Variants in MYO9B observed in about 807,000 individuals in gnomAD.
The protein encoded by MYO9B is myosin IXB.
In MYO9B, 71 loss-of-function variants were observed where a neutral mutation model predicts 229.5. The observed-to-expected ratio is 0.31, with a 90% confidence interval of 0.26 to 0.38. The LOEUF (loss-of-function observed/expected upper bound fraction) is 0.38, where lower values mean the gene tolerates loss of function less well. Among genes scored for constraint, MYO9B ranks in the 10% least tolerant of loss-of-function variants. MYO9B has a pLI of 1.00. For synonymous variants in MYO9B, 1,185 were observed against 1,235.8 expected, an observed-to-expected ratio of 0.96 and a Z score of 0.86; for missense variants, 2,255 against 2,920.5, an observed-to-expected ratio of 0.77 and a Z score of 5.25.
At chr19:17,175,858 AT>A in intron 14 of MYO9B, 117 bp downstream of exon 14, 2 of 814,076 alleles carry the variant, frequency 2.5e-6, no homozygotes, top group Non-Finnish European at 3.6e-6. Flanking sequence ...TTGAGATGGA[AT>A]TTCGCTCTTG....
intron 14 of MYO9B, 83 bp downstream of exon 14, chr19:17,175,824 C>CTTTTTTTTTTTTTTT (rs534528766): frequency 2.1e-6 from 1 of 471,924 alleles, no homozygotes. Context: ...ATGCTACATT[C>CTTTTTTTTTTTTTTT]TTTTTTTTTT....
rs969016567 is a variant in MYO9B at position 17,193,049 on chromosome 19, C to T, written c.3115C>T (p.Leu1039=). 6.8e-7 allele frequency: 1 copy of T among 1,462,512 alleles called. No individual in the cohort carries two copies. Among genetic ancestry groups the T allele is most frequent in the Non-Finnish European group, 9.0e-7 (1 of 1,106,334 alleles). The allele number at this position is 1,462,512 out of a possible 1,614,324, so 90.6% of individuals were successfully genotyped here. ...IRLQSLCRGH[L]QRKSFSQMIS... is the part of the protein sequence containing the mutation. Reference sequence around the variant, plus strand: ...CCTGCAGAGCCTGTGTCGGGGGCACCTGCAGCGCAAGAGGTGAGCAGAGCC... The same window carrying T: ...CCTGCAGAGCCTGTGTCGGGGGCACTTGCAGCGCAAGAGGTGAGCAGAGCC... The change falls in exon 21 of 40, where the codon CTG becomes TTG. Residue 1039 remains leucine (L), a synonymous_variant. Coordinates refer to ENST00000682292, the MANE Select transcript of MYO9B (RefSeq NM_004145.4). The surrounding 1 kb of genome is among the most constrained non-coding windows in gnomAD (Gnocchi z 4.3).
intron 10 of MYO9B, 125 bp from the exon 11 acceptor site, chr19:17,167,818 G>T: frequency 7.7e-7 from 1 of 1,296,204 alleles, no homozygotes; most frequent in Non-Finnish European, 1.0e-6. Context: ...AGTTTAAAAA[G>T]TTTCCTATTT....
At chr19:17,128,881 C>T (rs1021451670) in intron 2 of MYO9B, among the ~76,000 whole-genome samples, 3 of 152,212 alleles carry the variant, frequency 2.0e-5, no homozygotes, top group Admixed American at 6.5e-5. Flanking sequence ...AGCAAGGGGA[C>T]AATCTCCCTC....
At chr19:17,183,778 C>A in intron 15 of MYO9B, 51 bp from the exon 16 acceptor site, 1 of 1,495,648 alleles carries the variant, frequency 6.7e-7, no homozygotes, top group Non-Finnish European at 9.0e-7. Flanking sequence ...TAACCCAAAT[C>A]CCGACACTGT....
chr19:17,165,067 G>A (rs893181763), intron 10 of MYO9B, among the ~76,000 whole-genome samples: 62 of 152,094 alleles, frequency 4.1e-4, no homozygotes, highest in African/African-American at 1.4e-3. Context: ...ACAGGGTCTT[G>A]CTATGTTGCC....
intron 2 of MYO9B, among the ~76,000 whole-genome samples, chr19:17,112,634 C>T (rs7253065): frequency 2.3e-4 from 35 of 152,226 alleles, no homozygotes; most frequent in African/African-American, 6.0e-4. Context: ...GGGAACTGCC[C>T]GGAGGCCAGT....
chr19:17,123,442 G>T, intron 2 of MYO9B, among the ~76,000 whole-genome samples: 1 of 151,892 alleles, frequency 6.6e-6, no homozygotes, highest in East Asian at 1.9e-4. Context: ...GTGTGTGTGT[G>T]TGTGTGTGTG....
At chr19:17,108,856 G>T (rs757779621) in intron 2 of MYO9B, among the ~76,000 whole-genome samples, 1 of 151,246 alleles carries the variant, frequency 6.6e-6, no homozygotes, top group African/African-American at 2.4e-5. Flanking sequence ...TGGGACTACA[G>T]GCGCCCACCA....
Position 17,210,528 on chromosome 19 carries a change from CCTT to C in MYO9B, c.5796+151_5796+153del, listed in dbSNP as rs2073215144. 5 of 1,238,946 alleles carry C rather than the reference CCTT, an allele frequency of 4.0e-6. No individual in the cohort carries two copies. In the East Asian group the frequency reaches 1.0e-4, roughly 26 times the overall value. The allele number at this position is 1,238,946 out of a possible 1,614,324, so 76.7% of individuals were successfully genotyped here. A position where few individuals can be genotyped will look rare whatever the true frequency, so the allele number is the denominator to read the frequency against. On this transcript the variant is annotated intron_variant, in intron 37 of 39. Coordinates refer to ENST00000682292, the MANE Select transcript of MYO9B (RefSeq NM_004145.4). Reference sequence around the variant, plus strand: ...GCTGGGGAGGCCCCTTGCCTGCTGACCTTCTGTGCTCAGGACGACTAATCGGCC... The same window carrying C: ...GCTGGGGAGGCCCCTTGCCTGCTGACCTGTGCTCAGGACGACTAATCGGCC...
intron 1 of MYO9B, among the ~76,000 whole-genome samples, chr19:17,077,399 C>G (rs892044918): frequency 2.6e-5 from 4 of 152,210 alleles, no homozygotes; most frequent in Admixed American, 2.0e-4. Flanking sequence ...GGAAAGGTGG[C>G]TTTGGCCTGG....
chr19:17,159,358 T>C (rs1402674442), intron 7 of MYO9B, 37 bp from the exon 8 acceptor site: 1 of 1,547,990 alleles, frequency 6.5e-7, no homozygotes, highest in African/African-American at 1.4e-5. Context: ...GTCCTCCATC[T>C]CCCTTTTCCT....
chr19:17,178,934 G>T (rs1019657375), intron 14 of MYO9B, among the ~76,000 whole-genome samples: 1 of 151,554 alleles, frequency 6.6e-6, no homozygotes, highest in Non-Finnish European at 1.5e-5. Context: ...GGGAGGCTGA[G>T]GCAGGAGAAT....
intron 30 of MYO9B, 143 bp downstream of exon 30, chr19:17,203,401 T>C (rs1172598800): frequency 5.0e-6 from 3 of 601,158 alleles, no homozygotes; most frequent in Non-Finnish European, 8.8e-6. Flanking sequence ...GATAACGAGG[T>C]CAGGAGTTTG....
rs1190811267 is a variant in MYO9B at position 17,190,991 on chromosome 19, C to T, written c.2689-106C>T. 16 of 1,211,912 alleles carry T rather than the reference C, an allele frequency of 1.3e-5. No individual in the cohort carries two copies. The Admixed American group carries it at 1.5e-4, about 12-fold the overall frequency. 75.1% of individuals were successfully genotyped at this position (1,211,912 alleles called of 1,614,324 possible). A position where few individuals can be genotyped will look rare whatever the true frequency, so the allele number is the denominator to read the frequency against. Reference sequence around the variant, plus strand: ...AAATTTTAGATTTGTCATTACCATTCCTGTCAAACCCAGCTTCACCTTAAC... The same window carrying T: ...AAATTTTAGATTTGTCATTACCATTTCTGTCAAACCCAGCTTCACCTTAAC... On this transcript the variant is annotated intron_variant, in intron 19 of 39. Coordinates refer to ENST00000682292, the MANE Select transcript of MYO9B (RefSeq NM_004145.4).
intron 10 of MYO9B, 40 bp from the exon 11 acceptor site, chr19:17,167,903 G>A: frequency 1.3e-6 from 2 of 1,550,050 alleles, no homozygotes; most frequent in Non-Finnish European, 1.7e-6. Context: ...TTACATATCT[G>A]GGAGATAAGA....
At chr19:17,119,269 C>T (rs1033268552) in intron 2 of MYO9B, among the ~76,000 whole-genome samples, 5 of 152,212 alleles carry the variant, frequency 3.3e-5, no homozygotes, top group Admixed American at 6.5e-5. Context: ...GCGCACAGCA[C>T]CACTGGGAGA....
At chr19:17,126,170 T>C (rs1431800455) in intron 2 of MYO9B, among the ~76,000 whole-genome samples, 1 of 152,120 alleles carries the variant, frequency 6.6e-6, no homozygotes, top group East Asian at 1.9e-4. Flanking sequence ...ACTTCTCATT[T>C]CCTCGCCTCC....
chr19:17,212,091 G>T lies in MYO9B; in HGVS notation c.6255G>T (p.Pro2085=). Residue 2085 remains proline, a synonymous_variant, in exon 40 of 40, where the codon CCG becomes CCT. Coordinates refer to ENST00000682292, the MANE Select transcript of MYO9B (RefSeq NM_004145.4). This position sits in a 1 kb window ranked among gnomAD's most constrained non-coding sequence, Gnocchi z 5.4. ...GLPSHLPRWA[P]GAREAAAPVR... The stretch of plus-strand genomic sequence containing the variant: ...CCTCCCACCTGCCTCGCTGGGCACC[G>T]GGTGCCCGGGAGGCGGCTGCCCCAG... 6.3e-7 allele frequency: 1 copy of T among 1,591,116 alleles called. No individual in the cohort carries two copies. The highest frequency in any genetic ancestry group is 1.1e-5 in the South Asian group (1 of 88,758).
Sources: allele counts gnomAD v4.1 joint callset (sites outside exome capture counted in the v4.1 genomes callset), GRCh38; gene constraint gnomAD v4.1.1; non-coding constraint Gnocchi (gnomAD v3.1); transcripts MANE v1.5; gene names NCBI Gene and HGNC (gene_info 2026-07-23, HGNC 2026-07-21).